C8orf34: variants seen among roughly 807,000 people sequenced by gnomAD.
C8orf34 encodes uncharacterized protein C8orf34.
A neutral mutation model predicts 68.3 loss-of-function variants in C8orf34; 65 were observed. That is an observed-to-expected ratio of 0.95 (90% confidence interval 0.78 to 1.17). The LOEUF (loss-of-function observed/expected upper bound fraction) is 1.17. Ranked by LOEUF, C8orf34 falls within the 50% of genes most tolerant of loss-of-function variation. The probability of loss-of-function intolerance (pLI) is 0.00; values close to 1 mark genes in which losing one functional copy is unlikely to be tolerated. For missense variants in C8orf34, 664 were observed against 655.4 expected, an observed-to-expected ratio of 1.01 and a Z score of -0.14; for synonymous variants, 244 against 241.2, an observed-to-expected ratio of 1.01 and a Z score of -0.11.
intron 1 of C8orf34, among the ~76,000 whole-genome samples, chr8:68,374,299 G>A (rs370106751): frequency 4.6e-5 from 7 of 152,202 alleles, no homozygotes; most frequent in Admixed American, 3.3e-4. Flanking sequence ...CCCGTATGGT[G>A]TGTTTTGGAT....
intron 8 of C8orf34, 53 bp downstream of exon 8, chr8:68,640,564 T>C: frequency 6.5e-7 from 1 of 1,529,282 alleles, no homozygotes; most frequent in Non-Finnish European, 8.9e-7. Context: ...ATTTTTAAAA[T>C]CTAAGATTTT....
Position 68,439,479 on chromosome 8 carries a change from G to A in C8orf34, c.328-20G>A, listed in dbSNP as rs547068572. 116 of 1,606,696 alleles carry A rather than the reference G, an allele frequency of 7.2e-5. No individual in the cohort carries two copies. The highest frequency in any genetic ancestry group is 5.4e-5 in the Non-Finnish European group (64 of 1,177,244). ...TGCTGTTATTATTAATTATAATTGT[G>A]TGCTCTATTCTGCCTTCAGGAATTA... On this transcript the variant is annotated intron_variant, in intron 1 of 13. Coordinates refer to ENST00000518698, the MANE Select transcript of C8orf34 (RefSeq NM_052958.4).
chr8:68,675,104 A>G (rs1585711268), intron 8 of C8orf34, among the ~76,000 whole-genome samples: 1 of 152,190 alleles, frequency 6.6e-6, no homozygotes, highest in Admixed American at 6.5e-5. Context: ...TAGACAAAGA[A>G]AAGTTGAAAG....
intron 8 of C8orf34, among the ~76,000 whole-genome samples, chr8:68,660,150 G>T (rs1391238624): frequency 6.6e-6 from 1 of 152,056 alleles, no homozygotes; most frequent in East Asian, 1.9e-4. Context: ...AGAGGACAGA[G>T]GAGGAAAAAG....
intron 8 of C8orf34, among the ~76,000 whole-genome samples, chr8:68,644,581 T>C (rs999677396): frequency 6.6e-6 from 1 of 152,178 alleles, no homozygotes; most frequent in Non-Finnish European, 1.5e-5. Flanking sequence ...TGTTCTAAAC[T>C]CCTTCAGCTA....
At chr8:68,352,909 G>T (rs1161225326) in intron 1 of C8orf34, among the ~76,000 whole-genome samples, 1 of 152,026 alleles carries the variant, frequency 6.6e-6, no homozygotes. Flanking sequence ...AAAAGAATCA[G>T]ATAAATATCC....
At chr8:68,489,885 A>T (rs1320668177) in intron 5 of C8orf34, among the ~76,000 whole-genome samples, 4 of 152,256 alleles carry the variant, frequency 2.6e-5, no homozygotes, top group Admixed American at 1.3e-4. Context: ...TCACTAAAAA[A>T]ATATAATTTA....
chr8:68,745,955 C>A (rs1822476025), intron 10 of C8orf34, among the ~76,000 whole-genome samples: 1 of 152,080 alleles, frequency 6.6e-6, no homozygotes, highest in African/African-American at 2.4e-5. Context: ...CCACACCACA[C>A]CTATTCCAAA....
chr8:68,485,016 T>A (rs1813015117), intron 4 of C8orf34, among the ~76,000 whole-genome samples: 1 of 152,188 alleles, frequency 6.6e-6, no homozygotes, highest in South Asian at 2.1e-4. Context: ...CCAAACCAAG[T>A]TTTCCATTTA....
chr8:68,352,197 A>G (rs574406924), intron 1 of C8orf34, among the ~76,000 whole-genome samples: 1 of 152,138 alleles, frequency 6.6e-6, no homozygotes, highest in East Asian at 1.9e-4. Context: ...AATTTTTGGT[A>G]TTCAAAATAT....
chr8:68,735,374 CTTATGGAGCA>C (rs1822095451), intron 10 of C8orf34, among the ~76,000 whole-genome samples: 1 of 152,176 alleles, frequency 6.6e-6, no homozygotes, highest in African/African-American at 2.4e-5. Flanking sequence ...ATCCTATTTT[CTTATGGAGCA>C]TTAACGATAA....
chr8:68,776,760 C>T (rs549160170), intron 11 of C8orf34, among the ~76,000 whole-genome samples: 18 of 152,202 alleles, frequency 1.2e-4, no homozygotes, highest in African/African-American at 4.3e-4. Context: ...ACATGGTTTA[C>T]ATTGGAGTGT....
chr8:68,424,013 C>G (rs1410146000), intron 1 of C8orf34, among the ~76,000 whole-genome samples: 1 of 152,128 alleles, frequency 6.6e-6, no homozygotes, highest in Non-Finnish European at 1.5e-5. Context: ...GTTTATAATT[C>G]AAGGTGAGAT....
At chr8:68,596,678 C>T (rs1434270762) in intron 7 of C8orf34, among the ~76,000 whole-genome samples, 1 of 152,114 alleles carries the variant, frequency 6.6e-6, no homozygotes, top group Non-Finnish European at 1.5e-5. Context: ...GTATATTAAC[C>T]ACAAGCCTAG....
intron 8 of C8orf34, among the ~76,000 whole-genome samples, chr8:68,671,495 T>A (rs1241872272): frequency 6.6e-6 from 1 of 152,160 alleles, no homozygotes; most frequent in Non-Finnish European, 1.5e-5. Context: ...CTCTGAGAAC[T>A]AAGTTGTCTC....
intron 1 of C8orf34, among the ~76,000 whole-genome samples, chr8:68,414,467 A>C (rs1586086029): frequency 6.6e-6 from 1 of 152,352 alleles, no homozygotes; most frequent in East Asian, 1.9e-4. Context: ...TTCAAATGCC[A>C]TGATAGGAGG....
intron 1 of C8orf34, among the ~76,000 whole-genome samples, chr8:68,384,280 G>A (rs1042944733): frequency 3.3e-5 from 5 of 152,108 alleles, no homozygotes; most frequent in Non-Finnish European, 1.5e-5. Context: ...AAAAACAGTA[G>A]GTCAAAAGAA....
chr8:68,676,653 G>C (rs1211369086), intron 8 of C8orf34, among the ~76,000 whole-genome samples: 1 of 152,106 alleles, frequency 6.6e-6, no homozygotes, highest in African/African-American at 2.4e-5. Flanking sequence ...ATAGACATAT[G>C]TTAGGCCACA....
At position 68,693,157 on chromosome 8, in the gene C8orf34, A is replaced by G. The variant is rs1021638049; in HGVS notation, c.1242-15837A>G. On this transcript the variant is annotated intron_variant, in intron 8 of 13. Coordinates refer to ENST00000518698, the MANE Select transcript of C8orf34 (RefSeq NM_052958.4). ...TTCTGATCAAGGAATCTTGCTGTCT[A>G]TCTTAACGATTAAGTACTTGCTGTT... is the stretch of plus-strand genomic sequence containing the variant. Among the ~76,000 whole-genome samples, 3 of 152,098 alleles carry G rather than the reference A, an allele frequency of 2.0e-5. No homozygotes were observed. The East Asian group carries it at 5.8e-4, about 29-fold the overall frequency.
Sources: gnomAD v4.1 joint callset for allele counts (sites outside exome capture counted in the v4.1 genomes callset) on GRCh38, gnomAD v4.1.1 for gene constraint, MANE v1.5 for transcripts, NCBI Gene and HGNC (gene_info 2026-07-23, HGNC 2026-07-21) for gene names.